LPP: variants seen among roughly 807,000 people sequenced by gnomAD.
The protein encoded by LPP is lipoma-preferred partner.
A neutral mutation model predicts 60.4 loss-of-function variants in LPP; 38 were observed. The ratio of observed to expected loss-of-function variants is 0.63; its 90% confidence interval spans 0.49 to 0.83. LPP has a LOEUF of 0.83. LPP is among the 40% of genes least tolerant of loss of function. LPP has a pLI of 0.00. For synonymous variants in LPP, 328 were observed against 290.8 expected (o/e 1.13, Z -1.30); for missense variants, 902 against 783.6 (o/e 1.15, Z -1.80).
intron 3 of LPP, among the ~76,000 whole-genome samples, chr3:188,359,057 G>T (rs947420729): frequency 3.9e-5 from 6 of 152,106 alleles, no homozygotes; most frequent in South Asian, 4.1e-4. Flanking sequence ...GCAAACCCCT[G>T]TTAACATCCC....
chr3:188,587,061 T>TACTGAA (rs370615813), intron 6 of LPP, among the ~76,000 whole-genome samples: 1 of 27,978 alleles, frequency 3.6e-5, no homozygotes, highest in Admixed American at 4.9e-4. Context: ...GTTGGCGCTC[T>TACTGAA]GGCCGGGCGC....
At chr3:188,258,494 T>C (rs978098621) in intron 2 of LPP, among the ~76,000 whole-genome samples, 2 of 152,148 alleles carry the variant, frequency 1.3e-5, no homozygotes, top group South Asian at 2.1e-4. Flanking sequence ...GGCTAATTCG[T>C]ATATTTTGTA....
intron 2 of LPP, among the ~76,000 whole-genome samples, chr3:188,250,014 T>C (rs2149548526): frequency 6.6e-6 from 1 of 152,242 alleles, no homozygotes; most frequent in Admixed American, 6.5e-5. Context: ...TCTCATCATA[T>C]TCACAGTATG....
intron 4 of LPP, among the ~76,000 whole-genome samples, chr3:188,450,316 A>G (rs1796284491): frequency 6.6e-6 from 1 of 152,176 alleles, no homozygotes; most frequent in African/African-American, 2.4e-5. Flanking sequence ...GCAGGCATAG[A>G]ATTGTCAGGA....
At chr3:188,462,114 A>G (rs563960093) in intron 4 of LPP, among the ~76,000 whole-genome samples, 1 of 152,284 alleles carries the variant, frequency 6.6e-6, no homozygotes, top group South Asian at 2.1e-4. Flanking sequence ...TTAATAGGGC[A>G]ACACTTCCTT....
intron 1 of LPP, among the ~76,000 whole-genome samples, chr3:188,197,058 T>C (rs1729740754): frequency 1.3e-5 from 2 of 152,198 alleles, no homozygotes; most frequent in African/African-American, 2.4e-5. Context: ...CAAAAATAGG[T>C]GTGCAAGTGA....
At chr3:188,324,805 T>G (rs570203841) in intron 2 of LPP, among the ~76,000 whole-genome samples, 1 of 152,214 alleles carries the variant, frequency 6.6e-6, no homozygotes, top group Admixed American at 6.5e-5. Context: ...CTGTAGTATC[T>G]GCAGAAGGTC....
At chr3:188,633,092 G>C (rs1297628870) in intron 7 of LPP, among the ~76,000 whole-genome samples, 1 of 152,172 alleles carries the variant, frequency 6.6e-6, no homozygotes, top group Non-Finnish European at 1.5e-5. Flanking sequence ...TTCAGTCTTT[G>C]AATGATTCTT....
At chr3:188,414,666 A>G (rs1035659640) in intron 4 of LPP, among the ~76,000 whole-genome samples, 2 of 152,150 alleles carry the variant, frequency 1.3e-5, no homozygotes, top group Non-Finnish European at 2.9e-5. Flanking sequence ...CTAGATGAGA[A>G]TAGTTGAGAA....
intron 7 of LPP, among the ~76,000 whole-genome samples, chr3:188,652,088 A>G (rs1852210081): frequency 6.6e-6 from 1 of 152,180 alleles, no homozygotes; most frequent in Non-Finnish European, 1.5e-5. Context: ...TTCTGGCCTA[A>G]GTCTACAGGT....
intron 6 of LPP, among the ~76,000 whole-genome samples, chr3:188,564,394 G>A (rs75557738): frequency 0.014 from 2,111 of 152,090 alleles, 26 homozygotes; most frequent in South Asian, 0.05. Context: ...CACAGATAAT[G>A]TGTTGTTGTG....
At chr3:188,447,734 C>G (rs1795594964) in intron 4 of LPP, among the ~76,000 whole-genome samples, 1 of 151,878 alleles carries the variant, frequency 6.6e-6, no homozygotes, top group African/African-American at 2.4e-5. Context: ...CGAGATCGCG[C>G]CATTGCACTC....
At chr3:188,406,514 A>G in intron 4 of LPP, among the ~76,000 whole-genome samples, 1 of 152,198 alleles carries the variant, frequency 6.6e-6, no homozygotes, top group East Asian at 1.9e-4. Flanking sequence ...TATGGGTTAT[A>G]TGGCTATGGT....
In LPP at chr3:188,609,021, A is replaced by G. The variant is rs374158894; in HGVS notation, c.430-140A>G. 1.6e-5 allele frequency: 11 copies of G among 688,328 alleles called. No homozygotes were observed. The highest frequency in any genetic ancestry group is 3.6e-5 in the African/African-American group (2 of 55,180). 42.6% of individuals were successfully genotyped at this position (688,328 alleles called of 1,614,324 possible). On this transcript the variant is annotated intron_variant, in intron 6 of 11. Coordinates refer to ENST00000617246, the MANE Select transcript of LPP (RefSeq NM_001375462.1). The surrounding 1 kb of genome is among the most constrained non-coding windows in gnomAD (Gnocchi z 6.9). The stretch of plus-strand genomic sequence containing the variant: ...TTCATCTGTGAACACTTTGAAGGCA[A>G]GATTATGCCTTATTTGTGTTCTACA...
intron 2 of LPP, among the ~76,000 whole-genome samples, chr3:188,273,583 T>TTA: frequency 7.4e-6 from 1 of 135,842 alleles, no homozygotes; most frequent in African/African-American, 2.7e-5. Context: ...CTTGGCTATT[T>TTA]TATATCTTTT....
At chr3:188,782,720 A>C (rs539550310) in intron 9 of LPP, among the ~76,000 whole-genome samples, 10 of 151,260 alleles carry the variant, frequency 6.6e-5, no homozygotes, top group Non-Finnish European at 1.0e-4. Flanking sequence ...TGCTTGCCAG[A>C]ACAGCTGAAT....
At chr3:188,424,653 G>A (rs1249476606) in intron 4 of LPP, among the ~76,000 whole-genome samples, 1 of 152,116 alleles carries the variant, frequency 6.6e-6, no homozygotes, top group African/African-American at 2.4e-5. Context: ...AGTTCTCCAT[G>A]AAAGGGTCAT....
intron 3 of LPP, among the ~76,000 whole-genome samples, chr3:188,391,154 C>G (rs1412193948): frequency 1.3e-5 from 2 of 152,176 alleles, no homozygotes; most frequent in South Asian, 4.1e-4. Flanking sequence ...AAGGGACTTT[C>G]ATTCATCTAG....
At chr3:188,442,090 A>G (rs1794130698) in intron 4 of LPP, among the ~76,000 whole-genome samples, 1 of 152,218 alleles carries the variant, frequency 6.6e-6, no homozygotes, top group African/African-American at 2.4e-5. Flanking sequence ...ATGAATGAAA[A>G]AATGAATAAG....
Sources: gnomAD v4.1 joint callset for allele counts (sites outside exome capture counted in the v4.1 genomes callset) on GRCh38, gnomAD v4.1.1 for gene constraint, Gnocchi (gnomAD v3.1) non-coding constraint, MANE v1.5 for transcripts, NCBI Gene and HGNC (gene_info 2026-07-23, HGNC 2026-07-21) for gene names.